The following MTUS2 variants were observed in gnomAD, a reference collection of about 807,000 sequenced individuals.
MTUS2 encodes the protein microtubule associated scaffold protein 2.
Under a neutral mutation model 114.1 loss-of-function variants are expected in MTUS2, and 40 were observed. That is an observed-to-expected ratio of 0.35 (90% CI 0.27 to 0.46). The LOEUF (loss-of-function observed/expected upper bound fraction) is 0.46. Ranked by LOEUF, MTUS2 falls within the 20% of genes least tolerant of loss-of-function variation. The pLI is 1.00. For missense variants in MTUS2, 1,679 were observed against 1,705.4 expected, an observed-to-expected ratio of 0.98 and a Z score of 0.27; for synonymous variants, 688 against 672.0, an observed-to-expected ratio of 1.02 and a Z score of -0.37.
intron 5 of MTUS2, among the ~76,000 whole-genome samples, chr13:29,160,854 G>A (rs1351559465): frequency 1.3e-5 from 2 of 152,150 alleles, no homozygotes; most frequent in East Asian, 1.9e-4. Context: ...AGGGTCAACT[G>A]TACTGATAAA....
chr13:29,240,522 TA>T (rs1266774554), intron 5 of MTUS2, among the ~76,000 whole-genome samples: 1 of 152,248 alleles, frequency 6.6e-6, no homozygotes, highest in Admixed American at 6.5e-5. Flanking sequence ...CCACTTTTGC[TA>T]TTTCAATTGC....
At chr13:29,254,490 C>G (rs917673856) in intron 5 of MTUS2, among the ~76,000 whole-genome samples, 7 of 152,254 alleles carry the variant, frequency 4.6e-5, no homozygotes, top group Admixed American at 4.6e-4. Context: ...CGTACCAACA[C>G]TGAGGTTTCT....
intron 1 of MTUS2, among the ~76,000 whole-genome samples, chr13:28,834,134 A>T (rs938038561): frequency 6.6e-6 from 1 of 152,138 alleles, no homozygotes; most frequent in Non-Finnish European, 1.5e-5. Context: ...ATCGCTATCA[A>T]AAACACAGAG....
intron 5 of MTUS2, among the ~76,000 whole-genome samples, chr13:29,204,123 C>G (rs1184250983): frequency 6.6e-6 from 1 of 152,096 alleles, no homozygotes; most frequent in Non-Finnish European, 1.5e-5. Flanking sequence ...CCACGCCTGG[C>G]TACTTTTTGT....
intron 8 of MTUS2, among the ~76,000 whole-genome samples, chr13:29,412,824 C>T (rs1718335329): frequency 6.6e-6 from 1 of 152,050 alleles, no homozygotes; most frequent in Admixed American, 6.6e-5. Context: ...CCCAGGAGTT[C>T]AAGGTTATGC....
intron 8 of MTUS2, among the ~76,000 whole-genome samples, chr13:29,389,227 A>G (rs1872848497): frequency 6.7e-6 from 1 of 149,750 alleles, no homozygotes; most frequent in South Asian, 2.1e-4. Flanking sequence ...ATATGTATGT[A>G]TATATGTATG....
At chr13:29,197,933 T>C (rs1894771310) in intron 5 of MTUS2, among the ~76,000 whole-genome samples, 1 of 152,240 alleles carries the variant, frequency 6.6e-6, no homozygotes, top group Non-Finnish European at 1.5e-5. Context: ...TTAAGTTTCT[T>C]GTAGATTCTG....
chr13:29,062,958 C>T (rs139475162), intron 4 of MTUS2, among the ~76,000 whole-genome samples: 5 of 152,258 alleles, frequency 3.3e-5, no homozygotes, highest in Admixed American at 1.3e-4. Context: ...TCTTTGACTT[C>T]GTAACCATGC....
At chr13:28,829,919 C>T (rs1252433850) in intron 1 of MTUS2, among the ~76,000 whole-genome samples, 1 of 152,188 alleles carries the variant, frequency 6.6e-6, no homozygotes, top group Admixed American at 6.5e-5. Context: ...TCTGTCATCT[C>T]AGACTAACAA....
intron 5 of MTUS2, among the ~76,000 whole-genome samples, chr13:29,122,846 C>G (rs1156965805): frequency 6.6e-6 from 1 of 152,180 alleles, no homozygotes; most frequent in Non-Finnish European, 1.5e-5. Context: ...TGGCTCTCTC[C>G]TTCAATCCTT....
At chr13:28,907,386 A>G (rs578137583) in intron 2 of MTUS2, among the ~76,000 whole-genome samples, 1 of 151,768 alleles carries the variant, frequency 6.6e-6, no homozygotes, top group East Asian at 1.9e-4. Flanking sequence ...TGAGAGGCTC[A>G]AATTCACACA....
chr13:29,042,177 G>A (rs542840155), intron 4 of MTUS2, among the ~76,000 whole-genome samples: 1 of 152,048 alleles, frequency 6.6e-6, no homozygotes, highest in South Asian at 2.1e-4. Flanking sequence ...AATCATAAAG[G>A]GATGGTGGAT....
intron 2 of MTUS2, among the ~76,000 whole-genome samples, chr13:28,877,794 G>A (rs910460469): frequency 6.6e-6 from 1 of 152,104 alleles, no homozygotes; most frequent in African/African-American, 2.4e-5. Flanking sequence ...TCTATTGCTG[G>A]TGCCATCGTT....
At chr13:29,437,568 A>C (rs1021909971) in intron 8 of MTUS2, among the ~76,000 whole-genome samples, 1 of 152,220 alleles carries the variant, frequency 6.6e-6, no homozygotes, top group African/African-American at 2.4e-5. Context: ...TGATTAGAAC[A>C]TGTTCCCTGT....
intron 8 of MTUS2, among the ~76,000 whole-genome samples, chr13:29,361,198 C>T (rs1480423401): frequency 6.6e-6 from 1 of 152,166 alleles, no homozygotes; most frequent in Non-Finnish European, 1.5e-5. Flanking sequence ...AGACCAACAG[C>T]GGCTGGCAGG....
At chr13:29,492,255 TTG>T (rs528671577) in intron 11 of MTUS2, among the ~76,000 whole-genome samples, 1 of 146,194 alleles carries the variant, frequency 6.8e-6, no homozygotes, top group African/African-American at 2.5e-5. Context: ...GTGTATGTGA[TTG>T]TGTGTGGTAG....
chr13:28,996,069 C>T (rs535384457), intron 2 of MTUS2, among the ~76,000 whole-genome samples: 2 of 152,220 alleles, frequency 1.3e-5, no homozygotes, highest in African/African-American at 2.4e-5. Flanking sequence ...GAGATACATC[C>T]CATCAATAAC....
At chr13:29,180,388 G>A (rs1887750) in intron 5 of MTUS2, among the ~76,000 whole-genome samples, 112,480 of 152,166 alleles carry the variant, frequency 0.74, 41,674 homozygotes, top group East Asian at 0.8. Flanking sequence ...AAGCAACCCT[G>A]AGATAAAGAA....
At chr13:29,429,611 G>A (rs897060250) in intron 8 of MTUS2, among the ~76,000 whole-genome samples, 11 of 152,194 alleles carry the variant, frequency 7.2e-5, no homozygotes, top group African/African-American at 2.7e-4. Context: ...AGCTAGCAGA[G>A]GGATTAGGAT....
Sources: allele counts gnomAD v4.1 joint callset (sites outside exome capture counted in the v4.1 genomes callset), GRCh38; gene constraint gnomAD v4.1.1; transcripts MANE v1.5; gene names NCBI Gene and HGNC (gene_info 2026-07-23, HGNC 2026-07-21).